GPC6: variants seen among roughly 807,000 people sequenced by gnomAD.
GPC6 encodes glypican-6.
Under a neutral mutation model 55.2 loss-of-function variants are expected in GPC6, and 14 were observed. That is an observed-to-expected ratio of 0.25 (90% CI 0.17 to 0.40). The LOEUF is 0.40. GPC6 is among the 10% of genes least tolerant of loss of function. The pLI is 1.00. For missense variants in GPC6, 641 were observed against 708.5 expected (o/e 0.90, Z 1.08); for synonymous variants, 278 against 259.6 (o/e 1.07, Z -0.68).
At chr13:93,398,540 C>G (rs1361363802) in intron 1 of GPC6, among the ~76,000 whole-genome samples, 1 of 152,144 alleles carries the variant, frequency 6.6e-6, no homozygotes, top group Non-Finnish European at 1.5e-5. Context: ...GCACCCCTTA[C>G]CCTGAGCTAG....
At chr13:93,458,135 C>G (rs1003040599) in intron 1 of GPC6, among the ~76,000 whole-genome samples, 1 of 152,120 alleles carries the variant, frequency 6.6e-6, no homozygotes, top group African/African-American at 2.4e-5. Context: ...TTTCTCAGAT[C>G]TAATTTATTT....
At chr13:94,354,956 T>C (rs1040804841) in intron 6 of GPC6, among the ~76,000 whole-genome samples, 3 of 152,094 alleles carry the variant, frequency 2.0e-5, no homozygotes, top group Non-Finnish European at 4.4e-5. Context: ...CATATATTTC[T>C]ATTGTAAAAC....
At chr13:93,656,328 A>G (rs1477326477) in intron 2 of GPC6, among the ~76,000 whole-genome samples, 1 of 152,152 alleles carries the variant, frequency 6.6e-6, no homozygotes, top group African/African-American at 2.4e-5. Context: ...AATGATTACC[A>G]AACTAAAATG....
intron 2 of GPC6, among the ~76,000 whole-genome samples, chr13:93,676,164 T>TACAC (rs1566481810): frequency 3.2e-5 from 1 of 31,292 alleles, no homozygotes; most frequent in African/African-American, 9.4e-5. Flanking sequence ...TATATATATA[T>TACAC]ATATACATAC....
Position 93,485,435 on chromosome 13 carries a change from G to A in GPC6, c.161-59828G>A, listed in dbSNP as rs16948866. On this transcript the variant is annotated intron_variant, in intron 1 of 8. Coordinates refer to ENST00000377047, the MANE Select transcript of GPC6 (RefSeq NM_005708.5). ...GGAGTCGTAGTAAGGGACAGATTTCGGGCTCTTGAGAAGATGGAAAATATT... is the reference window on the plus strand; with the variant it reads ...GGAGTCGTAGTAAGGGACAGATTTCAGGCTCTTGAGAAGATGGAAAATATT... Among the ~76,000 whole-genome samples the A allele has an allele frequency of 9.2e-3, 1,407 of 152,248 alleles. 22 individuals carry two copies. Among genetic ancestry groups the A allele is most frequent in the African/African-American group, 0.032 (1,335 of 41,558 alleles).
chr13:94,076,056 G>A (rs1884901892), intron 4 of GPC6, among the ~76,000 whole-genome samples: 1 of 151,630 alleles, frequency 6.6e-6, no homozygotes, highest in Non-Finnish European at 1.5e-5. Context: ...CATAGTAGCT[G>A]TAATATTTTA....
chr13:94,245,979 T>G (rs891222578), intron 4 of GPC6, among the ~76,000 whole-genome samples: 1 of 152,116 alleles, frequency 6.6e-6, no homozygotes, highest in African/African-American at 2.4e-5. Flanking sequence ...ACTTTCCCAC[T>G]AACAGTGGGC....
At chr13:93,580,252 A>G (rs1027828430) in intron 2 of GPC6, among the ~76,000 whole-genome samples, 2 of 152,200 alleles carry the variant, frequency 1.3e-5, no homozygotes, top group African/African-American at 4.8e-5. Context: ...TGAGGGTACT[A>G]ATCTCATTCA....
intron 2 of GPC6, among the ~76,000 whole-genome samples, chr13:93,607,475 C>T (rs893661231): frequency 1.3e-5 from 2 of 152,152 alleles, no homozygotes; most frequent in Non-Finnish European, 2.9e-5. Context: ...GGCCTTGCCC[C>T]ACATCCCTAA....
intron 3 of GPC6, among the ~76,000 whole-genome samples, chr13:93,882,321 A>G (rs1875041906): frequency 6.6e-6 from 1 of 151,470 alleles, no homozygotes; most frequent in Admixed American, 6.6e-5. Context: ...TAATTTTTGA[A>G]TTTTGTGTAG....
At chr13:93,240,215 G>C (rs1876382088) in intron 1 of GPC6, among the ~76,000 whole-genome samples, 1 of 151,994 alleles carries the variant, frequency 6.6e-6, no homozygotes, top group South Asian at 2.1e-4. Context: ...TCTAGCTAGT[G>C]TTGTGTTGAA....
intron 1 of GPC6, among the ~76,000 whole-genome samples, chr13:93,487,336 C>G (rs890029977): frequency 1.3e-5 from 2 of 152,068 alleles, no homozygotes; most frequent in Non-Finnish European, 2.9e-5. Context: ...AGGTACTAAG[C>G]CTAGTTATTT....
chr13:93,891,110 A>G (rs1875655314), intron 3 of GPC6, among the ~76,000 whole-genome samples: 1 of 152,156 alleles, frequency 6.6e-6, no homozygotes, highest in Admixed American at 6.6e-5. Context: ...AAAAAAATGC[A>G]TGCCCAAGTG....
At chr13:93,590,626 A>G (rs1877419046) in intron 2 of GPC6, among the ~76,000 whole-genome samples, 1 of 149,920 alleles carries the variant, frequency 6.7e-6, no homozygotes. Context: ...TTATACTAAT[A>G]CTTACTAAAT....
intron 2 of GPC6, among the ~76,000 whole-genome samples, chr13:93,783,032 C>A (rs1885705336): frequency 6.6e-6 from 1 of 152,100 alleles, no homozygotes; most frequent in Admixed American, 6.6e-5. Flanking sequence ...TCCATGTGTT[C>A]TCATTGTTAA....
chr13:93,965,503 T>A (rs1039011541), intron 3 of GPC6, among the ~76,000 whole-genome samples: 1 of 152,196 alleles, frequency 6.6e-6, no homozygotes, highest in African/African-American at 2.4e-5. Context: ...TGGGTTGACC[T>A]TGTACCTTGC....
chr13:94,073,402 C>T (rs1219029528), intron 4 of GPC6, among the ~76,000 whole-genome samples: 2 of 152,094 alleles, frequency 1.3e-5, no homozygotes, highest in African/African-American at 2.4e-5. Context: ...TGACAGAGCT[C>T]AGCACAAAAA....
intron 2 of GPC6, among the ~76,000 whole-genome samples, chr13:93,584,506 T>C (rs1264284500): frequency 6.6e-6 from 1 of 152,138 alleles, no homozygotes; most frequent in Non-Finnish European, 1.5e-5. Context: ...TGCATCTGTT[T>C]AAACACTTCT....
rs200416999 is a variant in GPC6 at position 93,501,259 on chromosome 13, AT to A, written c.161-44001del. ...TTAAATCTCACACTTCTGGGTACCA[AT>A]TTGATTCAGACTCCTCTAAAGAGAA... On this transcript the variant is annotated intron_variant, in intron 1 of 8. Transcript: ENST00000377047. Among the ~76,000 whole-genome samples the A allele has an allele frequency of 6.1e-3, 928 of 152,208 alleles. 19 individuals carry two copies. The highest frequency in any genetic ancestry group is 0.043 in the Admixed American group (656 of 15,264).
Sources: allele counts gnomAD v4.1 joint callset (sites outside exome capture counted in the v4.1 genomes callset), GRCh38; gene constraint gnomAD v4.1.1; transcripts MANE v1.5; gene names NCBI Gene and HGNC (gene_info 2026-07-23, HGNC 2026-07-21).